Variants in CAST observed in about 807,000 individuals in gnomAD.
CAST encodes MIR583 host.
A neutral mutation model predicts 119.6 loss-of-function variants in CAST; 76 were observed. That is an observed-to-expected ratio of 0.64 (90% confidence interval 0.53 to 0.77). The LOEUF (loss-of-function observed/expected upper bound fraction) is 0.77. Among genes scored for constraint, CAST ranks in the 30% least tolerant of loss-of-function variants. The probability of loss-of-function intolerance (pLI) is 0.00; values close to 1 mark genes in which losing one functional copy is unlikely to be tolerated. For synonymous variants in CAST, 319 were observed against 331.6 expected (o/e 0.96, Z 0.41); for missense variants, 953 against 946.5 (o/e 1.01, Z -0.09).
At chr5:96,149,627 G>A in the CAST span, among the ~76,000 whole-genome samples, 1 of 152,138 alleles carries the variant, frequency 6.6e-6, no homozygotes, top group African/African-American at 2.4e-5. Flanking sequence ...TCTCTGCAGA[G>A]GTCCAGATTT....
the CAST span, among the ~76,000 whole-genome samples, chr5:96,298,892 G>GTGTGTGTC: frequency 2.0e-5 from 3 of 151,984 alleles, no homozygotes; most frequent in Admixed American, 2.0e-4. Flanking sequence ...GTGTGTGTGT[G>GTGTGTGTC]TGTGTGCCTT....
chr5:96,421,768 C>A, the CAST span: 4 of 769,290 alleles, frequency 5.2e-6, no homozygotes, highest in Non-Finnish European at 7.1e-6. Flanking sequence ...GGATGTTGTG[C>A]ATTAACATTT....
chr5:96,393,383 A>C, the CAST span: 8 of 1,613,398 alleles, frequency 5.0e-6, no homozygotes, highest in Admixed American at 1.7e-5. Context: ...CTGCTCCTAA[A>C]ACATAGAATG....
chr5:96,732,144 C>G (rs1394978153), intron 9 of CAST, among the ~76,000 whole-genome samples: 14 of 139,252 alleles, frequency 1.0e-4, no homozygotes, highest in African/African-American at 3.8e-4. Flanking sequence ...TCCTATTTCT[C>G]CACATCCTCT....
At chr5:96,138,757 A>G in the CAST span, among the ~76,000 whole-genome samples, 2 of 151,990 alleles carry the variant, frequency 1.3e-5, no homozygotes, top group African/African-American at 4.8e-5. Context: ...TCAGATTCCA[A>G]TTGTTCATTG....
At chr5:96,507,627 G>A in the CAST span, among the ~76,000 whole-genome samples, 2 of 152,162 alleles carry the variant, frequency 1.3e-5, no homozygotes, top group African/African-American at 4.8e-5. Flanking sequence ...AGGGAGAAAG[G>A]ATGAGTCTAT....
the CAST span, among the ~76,000 whole-genome samples, chr5:96,183,165 AT>A: frequency 1.1e-4 from 13 of 117,670 alleles, no homozygotes; most frequent in African/African-American, 2.0e-4. Flanking sequence ...AAATAAAATA[AT>A]AATAATAATA....
chr5:96,690,557 A>G (rs556221205), intron 2 of CAST, among the ~76,000 whole-genome samples: 1 of 152,280 alleles, frequency 6.6e-6, no homozygotes, highest in Admixed American at 6.5e-5. Context: ...ATGTAATATT[A>G]TGAGTTAATG....
chr5:96,058,815 A>G, the CAST span, among the ~76,000 whole-genome samples: 1 of 152,168 alleles, frequency 6.6e-6, no homozygotes, highest in Non-Finnish European at 1.5e-5. Flanking sequence ...CCGAAGTGTG[A>G]AAGTCTGGCA....
intron 5 of CAST, 49 bp from the exon 6 acceptor site, chr5:96,727,440 A>G (rs372286811): frequency 9.7e-5 from 97 of 1,002,732 alleles, no homozygotes; most frequent in Non-Finnish European, 1.3e-4. Context: ...AACTATGTCT[A>G]TCTTTCTTTT....
At chr5:96,037,917 G>A in the CAST span, among the ~76,000 whole-genome samples, 12 of 152,082 alleles carry the variant, frequency 7.9e-5, no homozygotes, top group Middle Eastern at 3.2e-3. Context: ...CCAGAGGTTG[G>A]TATCTTTCTC....
intron 1 of CAST, among the ~76,000 whole-genome samples, chr5:96,577,105 A>C (rs1746685915): frequency 6.6e-6 from 1 of 152,112 alleles, no homozygotes; most frequent in Non-Finnish European, 1.5e-5. Context: ...TTTCTGCCTT[A>C]GTTTGCTGAG....
chr5:96,219,507 G>A, the CAST span, among the ~76,000 whole-genome samples: 1 of 152,150 alleles, frequency 6.6e-6, no homozygotes, highest in East Asian at 1.9e-4. Context: ...CCTAGTCCAT[G>A]TCAAAGTTGC....
At chr5:96,065,177 TAA>T in the CAST span, among the ~76,000 whole-genome samples, 1 of 152,024 alleles carries the variant, frequency 6.6e-6, no homozygotes, top group African/African-American at 2.4e-5. Context: ...TTAACATATA[TAA>T]GTCTTTGGCT....
At chr5:96,703,275 T>C (rs1211609481) in intron 3 of CAST, among the ~76,000 whole-genome samples, 1 of 152,092 alleles carries the variant, frequency 6.6e-6, no homozygotes, top group Middle Eastern at 3.2e-3. Context: ...AAGCAGCAGC[T>C]ATGTCAGTTT....
the CAST span, among the ~76,000 whole-genome samples, chr5:96,405,642 G>C: frequency 6.6e-6 from 1 of 152,186 alleles, no homozygotes; most frequent in Non-Finnish European, 1.5e-5. Flanking sequence ...CTGCACTCCA[G>C]CCTGGGTGAC....
At chr5:96,263,208 C>T in the CAST span, among the ~76,000 whole-genome samples, 1 of 152,016 alleles carries the variant, frequency 6.6e-6, no homozygotes, top group Non-Finnish European at 1.5e-5. Flanking sequence ...GCTGAGAATC[C>T]CAGCCTTTGT....
intron 3 of CAST, among the ~76,000 whole-genome samples, chr5:96,717,579 G>A (rs1026435965): frequency 6.6e-6 from 1 of 152,182 alleles, no homozygotes; most frequent in Non-Finnish European, 1.5e-5. Flanking sequence ...TTACATATGA[G>A]GAAACTGAGG....
chr5:96,397,215 A>C, the CAST span: 2 of 836,792 alleles, frequency 2.4e-6, no homozygotes, highest in Non-Finnish European at 4.0e-6. Context: ...CTTTTCCCTT[A>C]CTTCTACTAA....
Sources: allele counts gnomAD v4.1 joint callset (sites outside exome capture counted in the v4.1 genomes callset), GRCh38; gene constraint gnomAD v4.1.1; transcripts MANE v1.5; gene names NCBI Gene and HGNC (gene_info 2026-07-23, HGNC 2026-07-21).